Variants in HCN1 observed in about 807,000 individuals in gnomAD.
The protein encoded by HCN1 is potassium/sodium hyperpolarization-activated cyclic nucleotide-gated channel 1.
A neutral mutation model predicts 78.9 loss-of-function variants in HCN1; 13 were observed. The observed-to-expected ratio is 0.16, with a 90% CI of 0.11 to 0.26. The LOEUF (loss-of-function observed/expected upper bound fraction) is 0.26. Among genes scored for constraint, HCN1 ranks in the 10% least tolerant of loss-of-function variants. HCN1 has a pLI of 1.00. For missense variants in HCN1, 810 were observed against 1,154.3 expected (o/e 0.70, Z 4.32); for synonymous variants, 552 against 455.5 (o/e 1.21, Z -2.70).
intron 6 of HCN1, among the ~76,000 whole-genome samples, chr5:45,285,402 T>A (rs1392829665): frequency 6.6e-6 from 1 of 151,976 alleles, no homozygotes; most frequent in Non-Finnish European, 1.5e-5. Flanking sequence ...TCACTCTTCT[T>A]ATATTATTAT....
At chr5:45,602,720 T>A (rs1284556841) in intron 2 of HCN1, among the ~76,000 whole-genome samples, 3 of 152,148 alleles carry the variant, frequency 2.0e-5, no homozygotes, top group Non-Finnish European at 4.4e-5. Flanking sequence ...AACTTTGCAA[T>A]CCACTCTTCA....
intron 2 of HCN1, among the ~76,000 whole-genome samples, chr5:45,585,729 G>C (rs1049609076): frequency 6.6e-6 from 1 of 152,126 alleles, no homozygotes; most frequent in Non-Finnish European, 1.5e-5. Flanking sequence ...CTATTTGTTA[G>C]TTTTCCTTCT....
intron 2 of HCN1, among the ~76,000 whole-genome samples, chr5:45,511,677 G>A (rs2111757807): frequency 6.6e-6 from 1 of 152,110 alleles, no homozygotes; most frequent in East Asian, 1.9e-4. Context: ...AGGAAAGTCA[G>A]AGAAAATGTT....
intron 2 of HCN1, among the ~76,000 whole-genome samples, chr5:45,632,412 A>T (rs758933297): frequency 2.6e-5 from 4 of 152,024 alleles, no homozygotes; most frequent in African/African-American, 7.2e-5. Context: ...GAGAAATGTG[A>T]CAAAAGAGGA....
At chr5:45,535,418 T>C (rs768247396) in intron 2 of HCN1, among the ~76,000 whole-genome samples, 11 of 152,076 alleles carry the variant, frequency 7.2e-5, no homozygotes, top group African/African-American at 9.7e-5. Context: ...GCCAACATGG[T>C]GAAACCCCGT....
chr5:45,456,225 C>T (rs1379641731), intron 3 of HCN1, among the ~76,000 whole-genome samples: 1 of 151,736 alleles, frequency 6.6e-6, no homozygotes, highest in African/African-American at 2.4e-5. Flanking sequence ...AGAGTATGGT[C>T]AAGTGATTGA....
At chr5:45,554,326 TC>T (rs1743429037) in intron 2 of HCN1, among the ~76,000 whole-genome samples, 1 of 151,782 alleles carries the variant, frequency 6.6e-6, no homozygotes, top group Admixed American at 6.6e-5. Flanking sequence ...GCTACTAAGT[TC>T]CCTTATAATC....
chr5:45,348,743 C>A (rs183912286), intron 5 of HCN1, among the ~76,000 whole-genome samples: 1 of 152,028 alleles, frequency 6.6e-6, no homozygotes, highest in African/African-American at 2.4e-5. Context: ...ATAAAACAGA[C>A]GTTAAACCAA....
chr5:45,615,239 T>A (rs1360051433), intron 2 of HCN1, among the ~76,000 whole-genome samples: 1 of 152,058 alleles, frequency 6.6e-6, no homozygotes. Context: ...CACTCTGACC[T>A]GATAATTCTA....
intron 6 of HCN1, among the ~76,000 whole-genome samples, chr5:45,277,770 C>T (rs576186524): frequency 3.9e-5 from 6 of 152,220 alleles, no homozygotes; most frequent in East Asian, 1.9e-4. Flanking sequence ...GCCCATACAA[C>T]GATCTGGCTG....
At chr5:45,683,116 A>G (rs936300936) in intron 1 of HCN1, among the ~76,000 whole-genome samples, 3 of 143,944 alleles carry the variant, frequency 2.1e-5, no homozygotes, top group Non-Finnish European at 4.6e-5. Context: ...TATTTTTACC[A>G]TTTATAAATT....
chr5:45,334,762 C>T (rs1156827849), intron 5 of HCN1, among the ~76,000 whole-genome samples: 1 of 151,880 alleles, frequency 6.6e-6, no homozygotes, highest in African/African-American at 2.4e-5. Flanking sequence ...CAAATCAGAT[C>T]CTTTACATAA....
At chr5:45,407,041 T>C (rs1210448312) in intron 3 of HCN1, among the ~76,000 whole-genome samples, 2 of 152,166 alleles carry the variant, frequency 1.3e-5, no homozygotes, top group Non-Finnish European at 1.5e-5. Context: ...CTCCAGAGTA[T>C]GAAAGGTGCA....
chr5:45,532,167 A>G (rs1742866806), intron 2 of HCN1, among the ~76,000 whole-genome samples: 1 of 152,218 alleles, frequency 6.6e-6, no homozygotes, highest in South Asian at 2.1e-4. Context: ...GCCTCATATT[A>G]ATGATTTGTT....
At chr5:45,502,047 T>G (rs1742201654) in intron 2 of HCN1, among the ~76,000 whole-genome samples, 1 of 152,184 alleles carries the variant, frequency 6.6e-6, no homozygotes, top group Non-Finnish European at 1.5e-5. Flanking sequence ...TATCCTTTAG[T>G]GTTTACTAGT....
At chr5:45,353,358 A>G in intron 4 of HCN1, 112 bp from the exon 5 acceptor site, 1 of 815,864 alleles carries the variant, frequency 1.2e-6, no homozygotes, top group Non-Finnish European at 2.0e-6. Context: ...TTACAAAAAA[A>G]AAGAAATCCT....
At chr5:45,635,913 A>T (rs537924258) in intron 2 of HCN1, among the ~76,000 whole-genome samples, 1 of 152,320 alleles carries the variant, frequency 6.6e-6, no homozygotes, top group Admixed American at 6.5e-5. Flanking sequence ...GAAATAAAGC[A>T]GGCATAATCT....
intron 2 of HCN1, among the ~76,000 whole-genome samples, chr5:45,593,375 A>C: frequency 7.0e-6 from 1 of 143,772 alleles, no homozygotes; most frequent in African/African-American, 2.7e-5. Context: ...CACACACCCC[A>C]CATGTAAGAT....
intron 4 of HCN1, among the ~76,000 whole-genome samples, chr5:45,359,834 T>C (rs1458142278): frequency 6.6e-6 from 1 of 151,888 alleles, no homozygotes; most frequent in African/African-American, 2.4e-5. Context: ...TATCTGAGTA[T>C]CTTAACTGAC....
Sources: allele counts gnomAD v4.1 joint callset (sites outside exome capture counted in the v4.1 genomes callset), GRCh38; gene constraint gnomAD v4.1.1; transcripts MANE v1.5; gene names NCBI Gene and HGNC (gene_info 2026-07-23, HGNC 2026-07-21).